The following CDC27 variants were observed in gnomAD, a reference collection of about 807,000 sequenced individuals.
The protein encoded by CDC27 is cell division cycle 27.
Under a neutral mutation model 109.7 loss-of-function variants are expected in CDC27, and 27 were observed. The ratio of observed to expected loss-of-function variants is 0.25; its 90% confidence interval spans 0.18 to 0.34. The LOEUF (loss-of-function observed/expected upper bound fraction) is 0.34, where lower values mean the gene tolerates loss of function less well. Among genes scored for constraint, CDC27 ranks in the 10% least tolerant of loss-of-function variants. The pLI is 1.00. For synonymous variants in CDC27, 266 were observed against 333.9 expected (o/e 0.80, Z 2.22); for missense variants, 579 against 960.2 (o/e 0.60, Z 5.25).
intron 15 of CDC27, among the ~76,000 whole-genome samples, chr17:47,130,148 TCAGGAGATCGAGAC>T (rs1454381701): frequency 5.9e-5 from 9 of 152,026 alleles, no homozygotes; most frequent in Non-Finnish European, 7.4e-5. Context: ...GATCACGAGG[TCAGGAGATCGAGAC>T]CATCCTGGCT....
intron 16 of CDC27, among the ~76,000 whole-genome samples, chr17:47,127,404 T>C (rs1261482783): frequency 1.3e-5 from 2 of 152,068 alleles, no homozygotes; most frequent in Admixed American, 6.6e-5. Flanking sequence ...ATTAGCCTAT[T>C]TTTACGTTTT....
intron 4 of CDC27, among the ~76,000 whole-genome samples, chr17:47,168,341 C>T (rs866948641): frequency 1.3e-5 from 2 of 152,108 alleles, no homozygotes; most frequent in East Asian, 1.9e-4. Context: ...CCAGTCAATT[C>T]GTTTGCATAC....
rs777678685 is a variant in CDC27 at position 47,137,260 on chromosome 17, T to A, written c.1805A>T (p.Tyr602Phe). 6.2e-7 allele frequency: 1 copy of A among 1,611,362 alleles called. No individual in the cohort carries two copies. The highest frequency in any genetic ancestry group is 8.5e-7 in the Non-Finnish European group (1 of 1,178,342). The change falls in exon 14 of 19, where the codon TAT becomes TTT. Residue 602 changes from tyrosine (Y) to phenylalanine (F), a missense_variant. By Grantham distance (22) the Tyr-to-Phe change is conservative. Transcript: ENST00000066544. ...CTCATGCCCTAATAGAGTATAGGCA[T>A]AAGCGTAATTTGGATCAACTTGGAT... Reference protein sequence around the residue: ...RAIQVDPNYAYAYTLLGHEFV... With the variant: ...RAIQVDPNYAFAYTLLGHEFV...
At chr17:47,147,603 T>C (rs958093632) in intron 9 of CDC27, among the ~76,000 whole-genome samples, 3 of 152,040 alleles carry the variant, frequency 2.0e-5, no homozygotes, top group Non-Finnish European at 2.9e-5. Flanking sequence ...CTGGATGAGG[T>C]GGCTCATGCC....
At chr17:47,127,025 C>T (rs1188988430) in intron 16 of CDC27, among the ~76,000 whole-genome samples, 1 of 152,068 alleles carries the variant, frequency 6.6e-6, no homozygotes, top group Non-Finnish European at 1.5e-5. Flanking sequence ...AACTCCTGGC[C>T]TCAAGTGATC....
At chr17:47,145,953 C>T (rs920956454) in intron 9 of CDC27, among the ~76,000 whole-genome samples, 4 of 151,876 alleles carry the variant, frequency 2.6e-5, no homozygotes, top group Admixed American at 2.6e-4. Context: ...GCCAGCAACA[C>T]CAGCCTGAGC....
At chr17:47,184,207 T>C (rs1233907824) in intron 1 of CDC27, among the ~76,000 whole-genome samples, 1 of 152,158 alleles carries the variant, frequency 6.6e-6, no homozygotes, top group Non-Finnish European at 1.5e-5. Context: ...ATAAATGGAG[T>C]TTATTTATTG....
chr17:47,161,061 C>A (rs2063483503), intron 4 of CDC27: 2 of 141,526 alleles, frequency 1.4e-5, no homozygotes, highest in African/African-American at 2.6e-5. Flanking sequence ...AAATTTCTTT[C>A]TTTTTTTTTT....
At chr17:47,145,484 T>C (rs2062928929) in intron 9 of CDC27, among the ~76,000 whole-genome samples, 1 of 152,216 alleles carries the variant, frequency 6.6e-6, no homozygotes, top group Admixed American at 6.5e-5. Context: ...TACTAAGTCC[T>C]TGGAATTCCT....
At chr17:47,186,724 T>C (rs1246695124) in intron 1 of CDC27, among the ~76,000 whole-genome samples, 1 of 152,118 alleles carries the variant, frequency 6.6e-6, no homozygotes, top group African/African-American at 2.4e-5. Flanking sequence ...GCATATATGG[T>C]ATATCGGACT....
At position 47,189,226 on chromosome 17, in the gene CDC27, TCCGGC is replaced by T; in HGVS notation, c.-59_-55del. The T allele has an allele frequency of 6.9e-7, 1 of 1,457,188 alleles. No homozygotes were observed. Among genetic ancestry groups the T allele is most frequent in the Non-Finnish European group, 9.6e-7 (1 of 1,037,684 alleles). The allele number at this position is 1,457,188 out of a possible 1,614,324, so 90.3% of individuals were successfully genotyped here. ...TGCCTCAGGCCCCCCCTGTAGCGGC[TCCGGC>T]CCGGCCAGCCCCTGCTCATTTAAAC... On this transcript the variant is annotated 5_prime_UTR_variant, in exon 1 of 19. It removes the in-frame stop codon of an upstream open reading frame in the 5' UTR. Coordinates refer to ENST00000066544, the MANE Select transcript of CDC27 (RefSeq NM_001256.6).
chr17:47,146,747 G>A (rs1399144840), intron 9 of CDC27, among the ~76,000 whole-genome samples: 2 of 152,120 alleles, frequency 1.3e-5, no homozygotes, highest in Non-Finnish European at 2.9e-5. Flanking sequence ...CTAAAGGAAT[G>A]CAAAAATATC....
At chr17:47,140,117 C>T (rs1303551028) in intron 12 of CDC27, 2 of 152,108 alleles carry the variant, frequency 1.3e-5, no homozygotes, top group Non-Finnish European at 2.9e-5. Flanking sequence ...AAGAAGTGGT[C>T]ATATGATATA....
chr17:47,163,268 C>G (rs544015741), intron 4 of CDC27, among the ~76,000 whole-genome samples: 1 of 152,144 alleles, frequency 6.6e-6, no homozygotes, highest in Non-Finnish European at 1.5e-5. Context: ...AAACCTAACA[C>G]ACCTTAGCTA....
chr17:47,165,765 A>C (rs949415309), intron 4 of CDC27, among the ~76,000 whole-genome samples: 1 of 152,170 alleles, frequency 6.6e-6, no homozygotes. Flanking sequence ...TTTTTCTAAA[A>C]GTTTAATAGT....
At position 47,120,795 on chromosome 17, in the gene CDC27, C is replaced by A; in HGVS notation, c.*140G>T. ...CTTTCATTCTGTATACAGTCAGGGT[C>A]CAATGAAAGTGGCACACTCATGGTA... On this transcript the variant is annotated 3_prime_UTR_variant, in exon 19 of 19. Coordinates refer to ENST00000066544, the MANE Select transcript of CDC27 (RefSeq NM_001256.6). The A allele has an allele frequency of 3.2e-6, 2 of 628,090 alleles. No individual in the cohort carries two copies. The highest frequency in any genetic ancestry group is 5.8e-6 in the Non-Finnish European group (2 of 346,422). 38.9% of individuals were successfully genotyped at this position (628,090 alleles called of 1,614,324 possible). A position where few individuals can be genotyped will look rare whatever the true frequency, so the allele number is the denominator to read the frequency against.
At chr17:47,134,300 A>G (rs1021692652) in intron 14 of CDC27, among the ~76,000 whole-genome samples, 1 of 141,484 alleles carries the variant, frequency 7.1e-6, no homozygotes, top group Non-Finnish European at 1.6e-5. Context: ...CCCTAAACCC[A>G]TATAGATTTT....
chr17:47,135,914 G>T (rs2062570776), intron 14 of CDC27, among the ~76,000 whole-genome samples: 1 of 152,156 alleles, frequency 6.6e-6, no homozygotes, highest in African/African-American at 2.4e-5. Context: ...GCCAAAGTGG[G>T]TGGATCATGA....
intron 2 of CDC27, among the ~76,000 whole-genome samples, chr17:47,175,028 A>G (rs930328998): frequency 1.6e-3 from 237 of 144,690 alleles, no homozygotes; most frequent in African/African-American, 5.6e-3. Flanking sequence ...AGAAAGAGAG[A>G]AAGAGAGAGA....
Sources: allele counts gnomAD v4.1 joint callset (sites outside exome capture counted in the v4.1 genomes callset), GRCh38; gene constraint gnomAD v4.1.1; transcripts MANE v1.5; gene names NCBI Gene and HGNC (gene_info 2026-07-23, HGNC 2026-07-21).